ARHGEF10L: variants seen among roughly 807,000 people sequenced by gnomAD.
ARHGEF10L encodes rho guanine nucleotide exchange factor 10-like protein.
A neutral mutation model predicts 141.2 loss-of-function variants in ARHGEF10L; 69 were observed. The observed-to-expected ratio is 0.49, with a 90% CI of 0.40 to 0.60. The LOEUF (loss-of-function observed/expected upper bound fraction) is 0.60. Among genes scored for constraint, ARHGEF10L ranks in the 20% least tolerant of loss-of-function variants. The probability of loss-of-function intolerance (pLI) is 0.00; values close to 1 mark genes in which losing one functional copy is unlikely to be tolerated. For synonymous variants in ARHGEF10L, 711 were observed against 718.5 expected (o/e 0.99, Z 0.17); for missense variants, 1,482 against 1,734.3 (o/e 0.85, Z 2.58).
intron 1 of ARHGEF10L, among the ~76,000 whole-genome samples, chr1:17,556,066 G>A (rs1043119749): frequency 1.3e-5 from 2 of 149,408 alleles, no homozygotes; most frequent in African/African-American, 5.0e-5. Context: ...GTTGAGCCTG[G>A]GAGCACGGGG....
At chr1:17,538,949 C>A (rs757484099), upstream of ARHGEF10L, among the ~76,000 whole-genome samples, 17 of 152,200 alleles carry the variant, frequency 1.1e-4, no homozygotes, top group Non-Finnish European at 1.6e-4. Context: ...TATCCAGAGG[C>A]CCTCTTTGGA....
Position 17,654,631 on chromosome 1 carries a change from T to TA in ARHGEF10L, c.2395-5_2395-4insA, listed in dbSNP as rs2062120477. The TA allele has an allele frequency of 6.2e-7, 1 of 1,613,966 alleles. No individual in the cohort carries two copies. Among genetic ancestry groups the TA allele is most frequent in the Non-Finnish European group, 8.5e-7 (1 of 1,179,934 alleles). The stretch of plus-strand genomic sequence containing the variant: ...ACCTCACATGTACCGTCTCTGTCTC[T>TA]GCAGCTTGGGGCCCTGGTCCACAGT... On this transcript the variant is annotated splice_polypyrimidine_tract_variant and splice_region_variant and intron_variant, in intron 22 of 28. Coordinates refer to ENST00000361221, the MANE Select transcript of ARHGEF10L (RefSeq NM_018125.4). This position sits in a 1 kb window ranked among gnomAD's most constrained non-coding sequence, Gnocchi z 4.3.
chr1:17,518,704 A>G, the ARHGEF10L span, among the ~76,000 whole-genome samples: 1 of 151,220 alleles, frequency 6.6e-6, no homozygotes, highest in South Asian at 2.1e-4. Flanking sequence ...AGGCAGGAGA[A>G]TCACTTGAAC....
At chr1:17,692,938 G>A (rs2065212933) in intron 27 of ARHGEF10L, among the ~76,000 whole-genome samples, 2 of 152,072 alleles carry the variant, frequency 1.3e-5, no homozygotes, top group African/African-American at 2.4e-5. Flanking sequence ...TCTTGGTGTG[G>A]CCACCTCCGC....
chr1:17,524,259 G>A, the ARHGEF10L span, among the ~76,000 whole-genome samples: 1 of 151,582 alleles, frequency 6.6e-6, no homozygotes, highest in Non-Finnish European at 1.5e-5. Context: ...GAGCTGAGAT[G>A]GTGTCACTGC....
At chr1:17,521,114 T>A in the ARHGEF10L span, among the ~76,000 whole-genome samples, 9 of 152,230 alleles carry the variant, frequency 5.9e-5, no homozygotes, top group Non-Finnish European at 1.0e-4. Flanking sequence ...TTGAAGGTCA[T>A]CCAGGCCATG....
At position 17,656,463 on chromosome 1, in the gene ARHGEF10L, C is replaced by G; in HGVS notation, c.2706-91C>G. 5 of 1,491,826 alleles carry G rather than the reference C, an allele frequency of 3.4e-6. No homozygotes were observed. The South Asian group carries it at 6.5e-5, about 20-fold the overall frequency. The allele number at this position is 1,491,826 out of a possible 1,614,324, so 92.4% of individuals were successfully genotyped here. ...AGGCGTGGCTGAGAGGGGTCAGCTC[C>G]CTGGGGCCCTCTCCCTAGGAGGGCA... On this transcript the variant is annotated intron_variant, in intron 24 of 28. Coordinates refer to ENST00000361221, the MANE Select transcript of ARHGEF10L (RefSeq NM_018125.4). The surrounding 1 kb of genome is among the most constrained non-coding windows in gnomAD (Gnocchi z 4.9).
chr1:17,538,693 TAAAAA>T (rs35238374), upstream of ARHGEF10L, among the ~76,000 whole-genome samples: 7 of 129,636 alleles, frequency 5.4e-5, no homozygotes, highest in South Asian at 5.2e-4. Flanking sequence ...AGGGAGTAGT[TAAAAA>T]AAAAAAAAAA....
Position 17,558,625 on chromosome 1 carries a change from C to T in ARHGEF10L, c.-44+18675C>T, listed in dbSNP as rs1423147777. ...TGGAAGGGTCTTGCCTTTGGGAAGG[C>T]AGGTCATCGTGGCTGGGGCAGGTGG... On this transcript the variant is annotated intron_variant, in intron 1 of 28. Coordinates refer to ENST00000361221, the MANE Select transcript of ARHGEF10L (RefSeq NM_018125.4). This position sits in a 1 kb window ranked among gnomAD's most constrained non-coding sequence, Gnocchi z 4.2. 1.3e-5 allele frequency among the ~76,000 whole-genome samples: 2 copies of T among 152,230 alleles called. No individual in the cohort carries two copies. The highest frequency in any genetic ancestry group is 4.8e-5 in the African/African-American group (2 of 41,462).
At chr1:17,606,305 T>C (rs944344085) in intron 6 of ARHGEF10L, among the ~76,000 whole-genome samples, 5 of 152,152 alleles carry the variant, frequency 3.3e-5, no homozygotes, top group African/African-American at 1.2e-4. Flanking sequence ...TTCTTCTTTT[T>C]TTTTTTGAGA....
chr1:17,616,266 G>GGGGT, intron 9 of ARHGEF10L, 64 bp downstream of exon 9: 1 of 831,462 alleles, frequency 1.2e-6, no homozygotes, highest in Non-Finnish European at 2.0e-6. Context: ...GGGAGGGTGG[G>GGGGT]ATTTTGCTTT....
intron 1 of ARHGEF10L, among the ~76,000 whole-genome samples, chr1:17,560,810 C>A (rs2077515341): frequency 6.6e-6 from 1 of 152,158 alleles, no homozygotes; most frequent in South Asian, 2.1e-4. Context: ...GGTGATCTGC[C>A]CACCTTGGCC....
In ARHGEF10L at chr1:17,656,757, TG is replaced by T; in HGVS notation, c.2860+52del. The T allele has an allele frequency of 6.3e-7, 1 of 1,575,614 alleles. No individual in the cohort carries two copies. Among genetic ancestry groups the T allele is most frequent in the South Asian group, 1.2e-5 (1 of 86,212 alleles). On this transcript the variant is annotated intron_variant, in intron 25 of 28. Coordinates refer to ENST00000361221, the MANE Select transcript of ARHGEF10L (RefSeq NM_018125.4). The surrounding 1 kb of genome is among the most constrained non-coding windows in gnomAD (Gnocchi z 4.9). ...AAGGGGGGCAGTCCTGGATGCCAGCTGGGTGCCAGATTCTCTACCAAGAGAG... is the reference window on the plus strand; with the variant it reads ...AAGGGGGGCAGTCCTGGATGCCAGCTGGTGCCAGATTCTCTACCAAGAGAG...
In ARHGEF10L at chr1:17,656,878, C is replaced by G. The variant is rs1452554670; in HGVS notation, c.2860+170C>G. ...CCGCTGGGGTTCAATGGGTGGTCCC[C>G]CATATGTGAATACCTGCTGGAATAG... On this transcript the variant is annotated intron_variant, in intron 25 of 28. Coordinates refer to ENST00000361221, the MANE Select transcript of ARHGEF10L (RefSeq NM_018125.4). The surrounding 1 kb of genome is among the most constrained non-coding windows in gnomAD (Gnocchi z 4.9). Among the ~76,000 whole-genome samples, 1 of 152,144 alleles carries G rather than the reference C, an allele frequency of 6.6e-6. No homozygotes were observed. Among genetic ancestry groups the G allele is most frequent in the African/African-American group, 2.4e-5 (1 of 41,428 alleles).
At chr1:17,526,320 A>G in the ARHGEF10L span, among the ~76,000 whole-genome samples, 3 of 152,300 alleles carry the variant, frequency 2.0e-5, no homozygotes, top group South Asian at 6.2e-4. Flanking sequence ...CTGTGTGGCC[A>G]ATTTTTGGAA....
intron 1 of ARHGEF10L, among the ~76,000 whole-genome samples, chr1:17,568,694 G>A (rs771611076): frequency 1.3e-5 from 2 of 152,198 alleles, no homozygotes; most frequent in Admixed American, 6.5e-5. Context: ...GGCGGCATCC[G>A]CATTGTCTGG....
chr1:17,568,019 T>C (rs1204965089), intron 1 of ARHGEF10L, among the ~76,000 whole-genome samples: 1 of 152,202 alleles, frequency 6.6e-6, no homozygotes, highest in Non-Finnish European at 1.5e-5. Flanking sequence ...TGGCTTCCTG[T>C]AGCACTTCAG....
chr1:17,612,921 G>A (rs961396056), intron 7 of ARHGEF10L, 137 bp from the exon 8 acceptor site: 24 of 641,704 alleles, frequency 3.7e-5, no homozygotes, highest in South Asian at 1.6e-4. Context: ...CTGGGGTGCC[G>A]CATCCCGCCT....
chr1:17,665,977 C>T (rs1046463647), intron 26 of ARHGEF10L, among the ~76,000 whole-genome samples: 17 of 152,128 alleles, frequency 1.1e-4, no homozygotes, highest in African/African-American at 4.1e-4. Context: ...CCCAAAAGAG[C>T]TGATGCTTCA....
Sources: gnomAD v4.1 joint callset for allele counts (sites outside exome capture counted in the v4.1 genomes callset) on GRCh38, gnomAD v4.1.1 for gene constraint, Gnocchi (gnomAD v3.1) non-coding constraint, MANE v1.5 for transcripts, NCBI Gene and HGNC (gene_info 2026-07-23, HGNC 2026-07-21) for gene names.